The following ZNF177 variants were observed in gnomAD, a reference collection of about 807,000 sequenced individuals.
The protein encoded by ZNF177 is zinc finger protein 177.
In ZNF177, 17 loss-of-function variants were observed where a neutral mutation model predicts 19.4. The ratio of observed to expected loss-of-function variants is 0.87; its 90% CI spans 0.60 to 1.31. The LOEUF (loss-of-function observed/expected upper bound fraction) is 1.31. ZNF177 is among the 40% of genes most tolerant of loss of function. ZNF177 has a pLI of 0.00. For missense variants in ZNF177, 633 were observed against 561.8 expected, an observed-to-expected ratio of 1.13 and a Z score of -1.28; for synonymous variants, 220 against 188.7, an observed-to-expected ratio of 1.17 and a Z score of -1.36.
chr19:9,372,494 C>T (rs962974127), upstream of ZNF177, among the ~76,000 whole-genome samples: 1 of 150,022 alleles, frequency 6.7e-6, no homozygotes, highest in African/African-American at 2.4e-5. Flanking sequence ...ATTCTTATTA[C>T]ATCTGTTCTC....
rs760658424 is a variant in ZNF177 at position 9,379,506 on chromosome 19, C to G, written c.161-21C>G. The G allele has an allele frequency of 4.3e-6, 7 of 1,609,620 alleles. No individual in the cohort carries two copies. In the Admixed American group the frequency reaches 8.5e-5, roughly 19 times the overall value. The stretch of plus-strand genomic sequence containing the variant: ...TAATTCTCACACATTTCTCCCACAT[C>G]CTTGCTTTCTGCGTGAGCAGGGTAT... On this transcript the variant is annotated intron_variant, in intron 3 of 5. Transcript: ENST00000589262.
At chr19:9,382,072 A>G (rs2068211765) in exon 6 of ZNF177, 1 of 424,590 alleles carries the variant, frequency 2.4e-6, no homozygotes, top group South Asian at 7.9e-5. Context: ...TGTGTGACAT[A>G]GATTTGAACA....
intron 2 of ZNF177, among the ~76,000 whole-genome samples, chr19:9,366,271 G>T (rs2067978285): frequency 6.6e-6 from 1 of 152,000 alleles, no homozygotes; most frequent in Non-Finnish European, 1.5e-5. Flanking sequence ...GTGAGCCACC[G>T]TGCCTAGCCT....
chr19:9,380,308 T>C (rs2068175150), intron 5 of ZNF177, among the ~76,000 whole-genome samples, 169 bp downstream of exon 7: 3 of 152,138 alleles, frequency 2.0e-5, no homozygotes, highest in African/African-American at 7.2e-5. Context: ...TGGAGAAATC[T>C]GTAAACCTAG....
chr19:9,382,294 C>T, downstream of ZNF177: 1 of 398,566 alleles, frequency 2.5e-6, no homozygotes, highest in Non-Finnish European at 4.4e-6. Context: ...TCACTGGATA[C>T]AGCTGCTAAG....
At chr19:9,378,119 T>C (rs1158072784) in intron 1 of ZNF177, 140 bp from the exon 4 acceptor site, 5 of 667,580 alleles carry the variant, frequency 7.5e-6, no homozygotes, top group Non-Finnish European at 7.0e-6. Context: ...GAGGATATAC[T>C]GTGTTCTTGG....
At chr19:9,366,144 G>C (rs1026598984) in intron 2 of ZNF177, among the ~76,000 whole-genome samples, 2 of 152,094 alleles carry the variant, frequency 1.3e-5, no homozygotes, top group South Asian at 4.1e-4. Flanking sequence ...CACCACACCC[G>C]GCTAATTTTT....
chr19:9,369,803 C>T (rs2068025120), intron 2 of ZNF177, among the ~76,000 whole-genome samples: 1 of 152,016 alleles, frequency 6.6e-6, no homozygotes, highest in African/African-American at 2.4e-5. Context: ...ATCATGCATA[C>T]TTACAGTCTA....
At chr19:9,377,006 CCTT>C (rs1224160366) in intron 1 of ZNF177, among the ~76,000 whole-genome samples, 1 of 152,164 alleles carries the variant, frequency 6.6e-6, no homozygotes, top group Admixed American at 6.5e-5. Context: ...TTTTATCTCT[CCTT>C]CATTTCTGAA....
chr19:9,366,781 G>A (rs1344991997), intron 2 of ZNF177, among the ~76,000 whole-genome samples: 5 of 152,062 alleles, frequency 3.3e-5, no homozygotes, highest in Non-Finnish European at 5.9e-5. Context: ...GTTTGCCAAC[G>A]TGGCAGCACC....
chr19:9,380,266 C>T lies in ZNF177; in HGVS notation c.336+127C>T, dbSNP rs767794453. 144 of 1,194,046 alleles carry T rather than the reference C, an allele frequency of 1.2e-4. No homozygotes were observed. The Admixed American group carries it at 1.3e-3, about 11-fold the overall frequency. The allele number at this position is 1,194,046 out of a possible 1,614,324, so 74.0% of individuals were successfully genotyped here. On this transcript the variant is annotated intron_variant, in intron 5 of 5. Coordinates refer to ENST00000589262, the Ensembl canonical transcript of ZNF177. ...CCAGGCTTTCACCAGAAAGCTGTCTCGGGAGAGTTTGGAGTTTGATTTTCA... is the reference window on the plus strand; with the variant it reads ...CCAGGCTTTCACCAGAAAGCTGTCTTGGGAGAGTTTGGAGTTTGATTTTCA...
chr19:9,372,540 C>CTTTTTTTTTTTTTT (rs61321271), upstream of ZNF177, among the ~76,000 whole-genome samples: 1 of 84,576 alleles, frequency 1.2e-5, no homozygotes, highest in Non-Finnish European at 2.0e-5. Context: ...CTTTCTTTTC[C>CTTTTTTTTTTTTTT]TTTTTTTTTT....
At chr19:9,372,551 T>C (rs1257111614), upstream of ZNF177, among the ~76,000 whole-genome samples, 1 of 138,456 alleles carries the variant, frequency 7.2e-6, no homozygotes, top group East Asian at 2.0e-4. Flanking sequence ...TTTTTTTTTT[T>C]TTTTTTTTTT....
At chr19:9,380,596 A>G (rs1167106248) in intron 5 of ZNF177, 72 bp from the exon 8 acceptor site, 6 of 1,535,638 alleles carry the variant, frequency 3.9e-6, no homozygotes, top group South Asian at 3.6e-5. Context: ...CAGAATCCTC[A>G]TGGAAGAGAA....
intron 4 of ZNF177, chr19:9,379,823 T>A (rs932535258): frequency 3.0e-6 from 2 of 672,804 alleles, no homozygotes; most frequent in Non-Finnish European, 4.6e-6. Context: ...CCATGAATGC[T>A]TTTTGCCAGA....
chr19:9,375,584 AT>A (rs1376776733), upstream of ZNF177, among the ~76,000 whole-genome samples: 1 of 151,974 alleles, frequency 6.6e-6, no homozygotes, highest in Non-Finnish European at 1.5e-5. Context: ...GAATTTATTC[AT>A]TTCTTCTAGG....
chr19:9,368,417 T>G (rs912205100), intron 2 of ZNF177, among the ~76,000 whole-genome samples: 2 of 152,148 alleles, frequency 1.3e-5, no homozygotes, highest in African/African-American at 4.8e-5. Context: ...TTAAAGTTAT[T>G]CATGTCTTGT....
At chr19:9,382,472 G>C, downstream of ZNF177, 1 of 398,566 alleles carries the variant, frequency 2.5e-6, no homozygotes, top group East Asian at 3.6e-5. Flanking sequence ...CACTAATCCT[G>C]TGCTGCTTAT....
chr19:9,381,308 A>G, exon 6 of ZNF177: 4 of 1,614,104 alleles, frequency 2.5e-6, no homozygotes, highest in Non-Finnish European at 3.4e-6. Context: ...CAGAGCTCTC[A>G]TCTGAATGTG....
Sources: allele counts gnomAD v4.1 joint callset (sites outside exome capture counted in the v4.1 genomes callset), GRCh38; gene constraint gnomAD v4.1.1; transcripts MANE v1.5; gene names NCBI Gene and HGNC (gene_info 2026-07-23, HGNC 2026-07-21).